Variants in ZNF462 observed in about 807,000 individuals in gnomAD.
ZNF462 encodes zinc finger protein 462.
In ZNF462, 10 loss-of-function variants were observed where a neutral mutation model predicts 201.9. The ratio of observed to expected loss-of-function variants is 0.05; its 90% CI spans 0.03 to 0.08. The LOEUF is 0.08. Among genes scored for constraint, ZNF462 ranks in the 10% least tolerant of loss-of-function variants. The pLI is 1.00. For synonymous variants in ZNF462, 1,227 were observed against 1,193.3 expected, an observed-to-expected ratio of 1.03 and a Z score of -0.58; for missense variants, 2,523 against 3,168.3, an observed-to-expected ratio of 0.80 and a Z score of 4.89.
Position 106,924,261 on chromosome 9 carries a change from T to C in ZNF462, c.349T>C (p.Phe117Leu). The C allele has an allele frequency of 6.2e-7, 1 of 1,614,122 alleles. No individual in the cohort carries two copies. Among genetic ancestry groups the C allele is most frequent in the Non-Finnish European group, 8.5e-7 (1 of 1,180,012 alleles). ...FFQCKFCVRYFRSKNLLIEHT... is the reference protein window; with the variant it reads ...FFQCKFCVRYLRSKNLLIEHT... The stretch of plus-strand genomic sequence containing the variant: ...TCAATGCAAGTTCTGTGTACGCTAC[T>C]TCAGGTCAAAAAACCTCCTCATAGA... Residue 117 changes from phenylalanine to leucine, a missense_variant, in exon 3 of 13, where the codon TTC becomes CTC. Around this residue, in one of 15 missense-constraint regions of ZNF462, gnomAD observed 480 missense variants for 544.4 expected, o/e 0.88. Transcript: ENST00000277225. This position sits in a 1 kb window ranked among gnomAD's most constrained non-coding sequence, Gnocchi z 6.2.
chr9:106,908,930 T>C (rs191542545), intron 1 of ZNF462, among the ~76,000 whole-genome samples: 1,421 of 36,610 alleles, frequency 0.039, 21 homozygotes, highest in Non-Finnish European at 0.051. Context: ...TATATATATA[T>C]ATATATATAT....
chr9:106,922,357 A>T (rs563428801), intron 1 of ZNF462, among the ~76,000 whole-genome samples: 5 of 152,238 alleles, frequency 3.3e-5, no homozygotes, highest in South Asian at 2.1e-4. Context: ...CTCTCCTTTG[A>T]GTTAGTGTGT....
At chr9:106,958,249 A>G (rs1396945685) in intron 7 of ZNF462, among the ~76,000 whole-genome samples, 3 of 152,116 alleles carry the variant, frequency 2.0e-5, no homozygotes, top group Non-Finnish European at 2.9e-5. Context: ...CAGACACAGT[A>G]AAGGTAAAAC....
At position 106,928,314 on chromosome 9, in the gene ZNF462, A is replaced by G; in HGVS notation, c.4402A>G (p.Thr1468Ala). Reference sequence around the variant, plus strand: ...TTCAGCCAACCCCGCCATATCCTCCACCCCATACCAGTGCACGGTATGCCA... The same window carrying G: ...TTCAGCCAACCCCGCCATATCCTCCGCCCCATACCAGTGCACGGTATGCCA... ...LASANPAISS[T>A]PYQCTVCQSE... The change falls in exon 3 of 13, where the codon ACC becomes GCC. Residue 1468 changes from threonine to alanine, a missense_variant. Around this residue, in one of 15 missense-constraint regions of ZNF462, gnomAD observed 165 missense variants for 142.6 expected, o/e 1.16. Transcript: ENST00000277225. The surrounding 1 kb of genome is among the most constrained non-coding windows in gnomAD (Gnocchi z 9.3). 11 of 1,614,038 alleles carry G rather than the reference A, an allele frequency of 6.8e-6. No homozygotes were observed. The highest frequency in any genetic ancestry group is 9.3e-6 in the Non-Finnish European group (11 of 1,179,996).
At chr9:106,921,249 C>T (rs1252130965) in intron 1 of ZNF462, among the ~76,000 whole-genome samples, 1 of 152,198 alleles carries the variant, frequency 6.6e-6, no homozygotes, top group Admixed American at 6.5e-5. Flanking sequence ...CAGGGCTCTG[C>T]TGGGACTAAC....
chr9:106,871,953 C>T lies in ZNF462; in HGVS notation c.-31+8598C>T, dbSNP rs1024126880. Among the ~76,000 whole-genome samples the T allele has an allele frequency of 2.0e-5, 3 of 152,172 alleles. No individual in the cohort carries two copies. The East Asian group carries it at 5.8e-4, about 29-fold the overall frequency. ...GGAAAGGAATGGACTATGACTACTA[C>T]CTGGCGTCAGTTTGGGTTTCAGCCA... On this transcript the variant is annotated intron_variant, in intron 1 of 12. Coordinates refer to ENST00000277225, the MANE Select transcript of ZNF462 (RefSeq NM_021224.6).
intron 1 of ZNF462, among the ~76,000 whole-genome samples, chr9:106,879,336 C>A (rs1376787889): frequency 9.6e-6 from 1 of 104,448 alleles, no homozygotes; most frequent in Non-Finnish European, 1.9e-5. Context: ...CTTTCCACCC[C>A]CCCCCCCACC....
In ZNF462 at chr9:106,890,907, G is replaced by A. The variant is rs1482300234; in HGVS notation, c.-31+27552G>A. Reference sequence around the variant, plus strand: ...CACTTTTATTCTTGAAGACTAAATGGCATCCTTAAAATCTGATGGTTTTCT... The same window carrying A: ...CACTTTTATTCTTGAAGACTAAATGACATCCTTAAAATCTGATGGTTTTCT... On this transcript the variant is annotated intron_variant, in intron 1 of 12. Coordinates refer to ENST00000277225, the MANE Select transcript of ZNF462 (RefSeq NM_021224.6). The surrounding 1 kb of genome is among the most constrained non-coding windows in gnomAD (Gnocchi z 4.2). 6.6e-6 allele frequency among the ~76,000 whole-genome samples: 1 copy of A among 152,278 alleles called. No individual in the cohort carries two copies. The highest frequency in any genetic ancestry group is 1.5e-5 in the Non-Finnish European group (1 of 68,022).
At position 106,925,512 on chromosome 9, in the gene ZNF462, T is replaced by C. The variant is rs1213252645; in HGVS notation, c.1600T>C (p.Leu534=). 6.2e-7 allele frequency: 1 copy of C among 1,614,102 alleles called. No homozygotes were observed. Among genetic ancestry groups the C allele is most frequent in the Admixed American group, 1.7e-5 (1 of 60,010 alleles). Residue 534 remains leucine (L), a synonymous_variant, in exon 3 of 13, where the codon TTG becomes CTG. Coordinates refer to ENST00000277225, the MANE Select transcript of ZNF462 (RefSeq NM_021224.6). The surrounding 1 kb of genome is among the most constrained non-coding windows in gnomAD (Gnocchi z 7.9). ...SINGRKSGVM[L]DPLQQQQPPQ... ...CAATGGTAGAAAGTCAGGAGTCATGTTGGATCCCTTGCAGCAGCAACAGCC... is the reference window on the plus strand; with the variant it reads ...CAATGGTAGAAAGTCAGGAGTCATGCTGGATCCCTTGCAGCAGCAACAGCC...
At position 106,863,333 on chromosome 9, in the gene ZNF462, C is replaced by T. The variant is rs1272841446; in HGVS notation, c.-53C>T. On this transcript the variant is annotated 5_prime_UTR_variant, in exon 1 of 13. Coordinates refer to ENST00000277225, the MANE Select transcript of ZNF462 (RefSeq NM_021224.6). ...TGGGGCTGGAGAACCCGAAGCACCT[C>T]CCGGCGCCGGGACGCTTCTTCTGTA... 2.5e-6 allele frequency: 1 copy of T among 397,618 alleles called. No individual in the cohort carries two copies. The highest frequency in any genetic ancestry group is 2.1e-5 in the African/African-American group (1 of 48,564). 24.6% of individuals were successfully genotyped at this position (397,618 alleles called of 1,614,324 possible).
chr9:106,861,217 A>G (rs527383863), upstream of ZNF462, among the ~76,000 whole-genome samples: 1 of 152,110 alleles, frequency 6.6e-6, no homozygotes, highest in Admixed American at 6.5e-5. Context: ...GGGGTGAGAG[A>G]TTCTGCTCAG....
rs1829864875 is a variant in ZNF462, at chr9:107,010,394, T to A, written c.7314-429T>A. Among the ~76,000 whole-genome samples the A allele has an allele frequency of 1.3e-5, 2 of 152,158 alleles. No homozygotes were observed. The highest frequency in any genetic ancestry group is 1.3e-4 in the Admixed American group (2 of 15,266). ...TTTGTTTCGGGACCTGACAAATAAA[T>A]CTTTAGTACCTGAGTTACTCTTTTA... On this transcript the variant is annotated intron_variant, in intron 12 of 12. Transcript: ENST00000277225. This position sits in a 1 kb window ranked among gnomAD's most constrained non-coding sequence, Gnocchi z 4.6.
At chr9:106,934,623 G>A (rs915094955) in intron 5 of ZNF462, among the ~76,000 whole-genome samples, 4 of 152,156 alleles carry the variant, frequency 2.6e-5, no homozygotes, top group African/African-American at 9.7e-5. Context: ...GCTGTCCAGG[G>A]GCAATTGAAA....
At chr9:106,875,914 A>T (rs1263916269) in intron 1 of ZNF462, among the ~76,000 whole-genome samples, 1 of 152,234 alleles carries the variant, frequency 6.6e-6, no homozygotes, top group Non-Finnish European at 1.5e-5. Flanking sequence ...GTATATATGT[A>T]TATGTATGTA....
intron 1 of ZNF462, among the ~76,000 whole-genome samples, chr9:106,915,461 T>C (rs1037720989): frequency 5.3e-5 from 8 of 152,208 alleles, no homozygotes; most frequent in South Asian, 2.1e-4. Context: ...AGATTGGGGA[T>C]TGCAAGAGAA....
intron 1 of ZNF462, among the ~76,000 whole-genome samples, chr9:106,915,330 G>A (rs1282855122): frequency 1.3e-5 from 2 of 151,988 alleles, no homozygotes; most frequent in Admixed American, 6.6e-5. Context: ...CCTTAACTGA[G>A]CACTGTAGTG....
At chr9:106,893,710 T>C (rs1828689686) in intron 1 of ZNF462, among the ~76,000 whole-genome samples, 1 of 152,242 alleles carries the variant, frequency 6.6e-6, no homozygotes. Flanking sequence ...GATTCCCTGC[T>C]ATTTCTGTTG....
At chr9:106,941,375 A>G (rs1240582322) in intron 7 of ZNF462, among the ~76,000 whole-genome samples, 7 of 152,220 alleles carry the variant, frequency 4.6e-5, no homozygotes, top group Non-Finnish European at 8.8e-5. Context: ...GAGTGATTTC[A>G]GATTCTTGGA....
chr9:106,958,769 T>G (rs968178617), intron 7 of ZNF462, among the ~76,000 whole-genome samples: 1 of 152,044 alleles, frequency 6.6e-6, no homozygotes, highest in Admixed American at 6.6e-5. Flanking sequence ...ATACATCCAC[T>G]GTAGATGACG....
Sources: allele counts gnomAD v4.1 joint callset (sites outside exome capture counted in the v4.1 genomes callset), GRCh38; gene constraint gnomAD v4.1.1; regional missense constraint gnomAD v4.1.1; non-coding constraint Gnocchi (gnomAD v3.1); transcripts MANE v1.5; gene names NCBI Gene and HGNC (gene_info 2026-07-23, HGNC 2026-07-21).